RSBN1L: variants seen among roughly 807,000 people sequenced by gnomAD.
RSBN1L encodes the protein lysine-specific demethylase RSBN1L.
A neutral mutation model predicts 67.7 loss-of-function variants in RSBN1L; 30 were observed. The ratio of observed to expected loss-of-function variants is 0.44; its 90% confidence interval spans 0.33 to 0.60. The LOEUF is 0.60. Among genes scored for constraint, RSBN1L ranks in the 20% least tolerant of loss-of-function variants. RSBN1L has a pLI of 0.02. For synonymous variants in RSBN1L, 433 were observed against 387.0 expected, an observed-to-expected ratio of 1.12 and a Z score of -1.39; for missense variants, 992 against 1,031.7, an observed-to-expected ratio of 0.96 and a Z score of 0.53.
At chr7:77,776,625 T>C (rs1328504409) in intron 6 of RSBN1L, among the ~76,000 whole-genome samples, 1 of 152,230 alleles carries the variant, frequency 6.6e-6, no homozygotes. Flanking sequence ...CATTTAGAAT[T>C]GTTATTCTTG....
At chr7:77,735,224 A>T (rs886317012) in intron 1 of RSBN1L, among the ~76,000 whole-genome samples, 1 of 152,182 alleles carries the variant, frequency 6.6e-6, no homozygotes, top group African/African-American at 2.4e-5. Context: ...GGTAGACACT[A>T]GTTTTATGTG....
Position 77,780,845 on chromosome 7 carries a change from T to C in RSBN1L, c.*1677T>C, listed in dbSNP as rs1177939728. 6.6e-6 allele frequency: 1 copy of C among 152,234 alleles called. No homozygotes were observed. Among genetic ancestry groups the C allele is most frequent in the Non-Finnish European group, 1.5e-5 (1 of 68,044 alleles). The allele number at this position is 152,234 out of a possible 1,614,324, so 9.4% of individuals were successfully genotyped here. ...ACCTCTTTAATGATAGACTCACTATTTGACACTGCTTCTACTATTGTAATT... is the reference window on the plus strand; with the variant it reads ...ACCTCTTTAATGATAGACTCACTATCTGACACTGCTTCTACTATTGTAATT... On this transcript the variant is annotated 3_prime_UTR_variant, in exon 8 of 8. Coordinates refer to ENST00000334955, the MANE Select transcript of RSBN1L (RefSeq NM_198467.3).
Position 77,696,489 on chromosome 7 carries a change from C to A in RSBN1L, c.20C>A (p.Pro7His). The A allele has an allele frequency of 6.2e-7, 1 of 1,612,924 alleles. No homozygotes were observed. The highest frequency in any genetic ancestry group is 8.5e-7 in the Non-Finnish European group (1 of 1,179,450). ...CGCAAAATGGCGGAACCGCCGAGCC[C>A]CGTGCACTGTGTCGCTGCCGCGGCC... is the stretch of plus-strand genomic sequence containing the variant. Reference protein sequence around the residue: MAEPPSPVHCVAAAAPT... With the variant: MAEPPSHVHCVAAAAPT... The change falls in exon 1 of 8, where the codon CCC becomes CAC. Residue 7 changes from proline to histidine, a missense_variant. Transcript: ENST00000334955.
intron 1 of RSBN1L, among the ~76,000 whole-genome samples, chr7:77,710,463 T>C (rs561139618): frequency 6.6e-6 from 1 of 152,300 alleles, no homozygotes; most frequent in East Asian, 1.9e-4. Context: ...ACACTTTTAC[T>C]ACACCTAGCT....
chr7:77,750,296 G>GTTTTTTTTTTTTT (rs36054297), intron 3 of RSBN1L, among the ~76,000 whole-genome samples: 4 of 57,452 alleles, frequency 7.0e-5, no homozygotes, highest in African/African-American at 1.4e-4. Flanking sequence ...AAGATTCTGT[G>GTTTTTTTTTTTTT]TTTTTTTTTT....
intron 1 of RSBN1L, among the ~76,000 whole-genome samples, chr7:77,711,492 AC>A (rs2150413528): frequency 6.6e-6 from 1 of 151,996 alleles, no homozygotes; most frequent in East Asian, 1.9e-4. Context: ...GGTGAGCACC[AC>A]TACACCTGGC....
chr7:77,699,667 A>G (rs1467249280), intron 1 of RSBN1L, among the ~76,000 whole-genome samples: 1 of 152,250 alleles, frequency 6.6e-6, no homozygotes, highest in Non-Finnish European at 1.5e-5. Context: ...CCCATTTAGT[A>G]CCAGGGCCTG....
intron 2 of RSBN1L, among the ~76,000 whole-genome samples, chr7:77,746,502 A>G (rs1281040135): frequency 6.6e-6 from 1 of 152,126 alleles, no homozygotes. Context: ...TCGACATGAG[A>G]TTTGGGAGGG....
intron 1 of RSBN1L, among the ~76,000 whole-genome samples, chr7:77,722,705 C>T (rs553374575): frequency 3.2e-4 from 49 of 151,646 alleles, no homozygotes; most frequent in African/African-American, 8.0e-4. Flanking sequence ...CTTCTTCTGC[C>T]GCTGCTTGTT....
intron 1 of RSBN1L, among the ~76,000 whole-genome samples, chr7:77,715,814 G>A (rs1175032189): frequency 6.6e-6 from 1 of 152,148 alleles, no homozygotes; most frequent in Non-Finnish European, 1.5e-5. Context: ...TAGTTGCATA[G>A]TAGTAGTTCA....
rs373932728 is a variant in RSBN1L, at chr7:77,754,660, TG to T, written c.1344+4598del. ...CCAACATCCCCCTTTCCCTTATCTG[TG>T]GTACTGTCATGCATATGCTAGTTAT... On this transcript the variant is annotated intron_variant, in intron 3 of 7. Coordinates refer to ENST00000334955, the MANE Select transcript of RSBN1L (RefSeq NM_198467.3). Among the ~76,000 whole-genome samples the T allele has an allele frequency of 7.2e-3, 1,103 of 152,284 alleles. 12 individuals are homozygous for T. The highest frequency in any genetic ancestry group is 0.02 in the Middle Eastern group (6 of 294).
chr7:77,698,441 A>G (rs1696416311), intron 1 of RSBN1L, among the ~76,000 whole-genome samples: 1 of 152,178 alleles, frequency 6.6e-6, no homozygotes, highest in South Asian at 2.1e-4. Context: ...TATCATCACT[A>G]GTGTTTGTGG....
chr7:77,699,191 A>G (rs940322266), intron 1 of RSBN1L, among the ~76,000 whole-genome samples: 3 of 152,148 alleles, frequency 2.0e-5, no homozygotes, highest in Non-Finnish European at 4.4e-5. Flanking sequence ...TTGGCTGTGC[A>G]TGGTTCAGTA....
At chr7:77,709,756 C>T (rs551077986) in intron 1 of RSBN1L, among the ~76,000 whole-genome samples, 2 of 152,162 alleles carry the variant, frequency 1.3e-5, no homozygotes, top group African/African-American at 4.8e-5. Context: ...TTGTACTCTT[C>T]TTTCTGGCTT....
chr7:77,742,177 A>AT (rs1791420678), intron 2 of RSBN1L, among the ~76,000 whole-genome samples: 1 of 127,316 alleles, frequency 7.9e-6, no homozygotes. Flanking sequence ...AAAAAAAAAA[A>AT]AAAATACACA....
intron 3 of RSBN1L, among the ~76,000 whole-genome samples, chr7:77,763,965 TATA>T (rs1196757067): frequency 6.6e-6 from 1 of 152,248 alleles, no homozygotes; most frequent in Admixed American, 6.5e-5. Context: ...CTTTGCTGAT[TATA>T]ATAACAAATG....
At chr7:77,705,832 G>T (rs1467976921) in intron 1 of RSBN1L, among the ~76,000 whole-genome samples, 1 of 151,946 alleles carries the variant, frequency 6.6e-6, no homozygotes, top group Non-Finnish European at 1.5e-5. Context: ...TTTGCATTTA[G>T]CTTGTAATCT....
At chr7:77,733,260 G>A (rs756198341) in intron 1 of RSBN1L, among the ~76,000 whole-genome samples, 5 of 152,196 alleles carry the variant, frequency 3.3e-5, no homozygotes, top group Non-Finnish European at 7.3e-5. Context: ...AGATGTGTGG[G>A]TTAAGGACAG....
intron 3 of RSBN1L, among the ~76,000 whole-genome samples, chr7:77,753,289 G>T (rs1479757688): frequency 1.3e-5 from 2 of 152,182 alleles, no homozygotes; most frequent in Admixed American, 1.3e-4. Flanking sequence ...CTTTGCCACG[G>T]TTAGTAGTGT....
Sources: gnomAD v4.1 joint callset for allele counts (sites outside exome capture counted in the v4.1 genomes callset) on GRCh38, gnomAD v4.1.1 for gene constraint, MANE v1.5 for transcripts, NCBI Gene and HGNC (gene_info 2026-07-23, HGNC 2026-07-21) for gene names.